Variants in NTM observed in about 807,000 individuals in gnomAD.
NTM encodes the protein neurotrimin, also known as IgLON family member 2.
A neutral mutation model predicts 42.1 loss-of-function variants in NTM; 13 were observed. The observed-to-expected ratio is 0.31, with a 90% CI of 0.20 to 0.49. NTM has a LOEUF of 0.49. Ranked by LOEUF, NTM falls within the 20% of genes least tolerant of loss-of-function variation. The pLI is 0.99. For synonymous variants in NTM, 187 were observed against 179.2 expected, an observed-to-expected ratio of 1.04 and a Z score of -0.35; for missense variants, 373 against 452.8, an observed-to-expected ratio of 0.82 and a Z score of 1.60.
chr11:131,478,535 T>G (rs1953202808), intron 1 of NTM, among the ~76,000 whole-genome samples: 1 of 152,182 alleles, frequency 6.6e-6, no homozygotes, highest in Admixed American at 6.5e-5. Context: ...GTCTAGTATC[T>G]AGAGAAATGC....
chr11:132,320,468 C>A (rs376807469), intron 7 of NTM, among the ~76,000 whole-genome samples: 2 of 152,202 alleles, frequency 1.3e-5, no homozygotes, highest in Admixed American at 1.3e-4. Flanking sequence ...GCTTTTCCGA[C>A]GGGCTTAAAA....
At chr11:131,424,557 T>C (rs377157478) in intron 1 of NTM, among the ~76,000 whole-genome samples, 2 of 151,292 alleles carry the variant, frequency 1.3e-5, no homozygotes, top group Non-Finnish European at 2.9e-5. Context: ...TAAGTTACCG[T>C]CTAGTTTGCA....
At chr11:131,845,586 C>G (rs1379643975) in intron 1 of NTM, among the ~76,000 whole-genome samples, 1 of 151,512 alleles carries the variant, frequency 6.6e-6, no homozygotes, top group African/African-American at 2.4e-5. Flanking sequence ...TTACATTGTC[C>G]TTCAAATACC....
chr11:131,952,057 T>C (rs1201021698), intron 2 of NTM, among the ~76,000 whole-genome samples: 2 of 152,190 alleles, frequency 1.3e-5, no homozygotes, highest in African/African-American at 2.4e-5. Flanking sequence ...ACACTTTTTT[T>C]TCCTCTGTGT....
At chr11:132,140,206 T>G (rs553449015) in intron 2 of NTM, among the ~76,000 whole-genome samples, 2 of 152,170 alleles carry the variant, frequency 1.3e-5, no homozygotes, top group Admixed American at 6.5e-5. Flanking sequence ...CAGTCAGACT[T>G]CAGACCCTAT....
intron 1 of NTM, among the ~76,000 whole-genome samples, chr11:131,801,337 C>T (rs1390746663): frequency 1.3e-5 from 2 of 152,170 alleles, no homozygotes; most frequent in Non-Finnish European, 2.9e-5. Flanking sequence ...GCCAGCAGCC[C>T]AGCTGAGATG....
chr11:131,574,042 A>T (rs1049558844), intron 1 of NTM, among the ~76,000 whole-genome samples: 13 of 152,118 alleles, frequency 8.5e-5, no homozygotes, highest in African/African-American at 3.1e-4. Flanking sequence ...TCATGGCTTC[A>T]GCACGTGGGT....
intron 1 of NTM, among the ~76,000 whole-genome samples, chr11:131,786,237 G>A (rs2089185776): frequency 6.6e-6 from 1 of 152,148 alleles, no homozygotes; most frequent in African/African-American, 2.4e-5. Flanking sequence ...TCCATCAAAG[G>A]AACTTCAGCA....
intron 1 of NTM, among the ~76,000 whole-genome samples, chr11:131,424,726 A>AT (rs71475756): frequency 0.45 from 54,578 of 121,940 alleles, 12,467 homozygotes; most frequent in Middle Eastern, 0.51. Context: ...TGCCTGGCTA[A>AT]TTTTTTTTTT....
At chr11:131,509,607 T>G (rs1467447650) in intron 1 of NTM, among the ~76,000 whole-genome samples, 1 of 152,224 alleles carries the variant, frequency 6.6e-6, no homozygotes, top group Non-Finnish European at 1.5e-5. Context: ...TTGAGGAACT[T>G]ACACATTTCT....
chr11:131,432,708 C>T (rs79592197), intron 1 of NTM, among the ~76,000 whole-genome samples: 6,196 of 152,098 alleles, frequency 0.041, 413 homozygotes, highest in African/African-American at 0.14. Flanking sequence ...TTCCATTCTC[C>T]AAAGGCAACC....
chr11:131,980,215 G>A (rs976323090), intron 2 of NTM, among the ~76,000 whole-genome samples: 33 of 152,128 alleles, frequency 2.2e-4, no homozygotes, highest in Non-Finnish European at 8.8e-5. Flanking sequence ...CATTTTTCCC[G>A]GATTGGTAGC....
chr11:131,859,176 G>C (rs1222148474), intron 1 of NTM, among the ~76,000 whole-genome samples: 3 of 152,126 alleles, frequency 2.0e-5, no homozygotes, highest in South Asian at 4.1e-4. Context: ...CTGGTGCCAG[G>C]TATGTTTCAG....
At chr11:132,094,917 C>A (rs1054425917) in intron 2 of NTM, among the ~76,000 whole-genome samples, 1 of 152,160 alleles carries the variant, frequency 6.6e-6, no homozygotes, top group African/African-American at 2.4e-5. Context: ...TTATTCATGG[C>A]ATTTGTTACA....
intron 1 of NTM, among the ~76,000 whole-genome samples, chr11:131,491,410 G>A (rs1311073159): frequency 6.9e-6 from 1 of 144,078 alleles, no homozygotes; most frequent in Non-Finnish European, 1.5e-5. Flanking sequence ...GATGTTTGTG[G>A]GTATATTTTA....
chr11:132,131,096 T>G (rs2066739340), intron 2 of NTM, among the ~76,000 whole-genome samples: 1 of 152,264 alleles, frequency 6.6e-6, no homozygotes, highest in Admixed American at 6.5e-5. Context: ...ATGAAATGTC[T>G]GCTGCATTCT....
At chr11:132,094,036 C>T (rs986399146) in intron 2 of NTM, among the ~76,000 whole-genome samples, 6 of 152,060 alleles carry the variant, frequency 3.9e-5, no homozygotes, top group African/African-American at 7.2e-5. Context: ...ATACAGAAAC[C>T]GCCGGTTTGG....
chr11:131,467,554 C>A (rs1447278499), intron 1 of NTM, among the ~76,000 whole-genome samples: 1 of 152,186 alleles, frequency 6.6e-6, no homozygotes. Context: ...AAGGTAGAAA[C>A]CTGCTCTGGC....
chr11:131,575,672 A>G (rs993423015), intron 1 of NTM, among the ~76,000 whole-genome samples: 3 of 152,206 alleles, frequency 2.0e-5, no homozygotes, highest in Admixed American at 6.5e-5. Context: ...TTAGCTGAAT[A>G]TCTTCAAGAA....
Sources: gnomAD v4.1 joint callset for allele counts (sites outside exome capture counted in the v4.1 genomes callset) on GRCh38, gnomAD v4.1.1 for gene constraint, MANE v1.5 for transcripts, NCBI Gene and HGNC (gene_info 2026-07-23, HGNC 2026-07-21) for gene names.